The following SELENOF variants were observed in gnomAD, a reference collection of about 807,000 sequenced individuals.
The protein encoded by SELENOF is selenoprotein F.
Under a neutral mutation model 20.5 loss-of-function variants are expected in SELENOF, and 16 were observed. The observed-to-expected ratio is 0.78, with a 90% CI of 0.53 to 1.19. The LOEUF is 1.19. Ranked by LOEUF, SELENOF falls within the 50% of genes most tolerant of loss-of-function variation. SELENOF has a pLI of 0.00. For missense variants in SELENOF, 215 were observed against 194.2 expected, an observed-to-expected ratio of 1.11 and a Z score of -0.64; for synonymous variants, 78 against 74.5, an observed-to-expected ratio of 1.05 and a Z score of -0.24.
intron 2 of SELENOF, among the ~76,000 whole-genome samples, chr1:86,890,692 G>A (rs562237374): frequency 1.3e-4 from 20 of 151,212 alleles, no homozygotes; most frequent in Admixed American, 1.2e-3. Context: ...AGAGATGGAG[G>A]TCTTGGTCTT....
chr1:86,880,599 A>C, intron 3 of SELENOF, 63 bp downstream of exon 3: 1 of 888,100 alleles, frequency 1.1e-6, no homozygotes, highest in Non-Finnish European at 1.7e-6. Context: ...TATAGTGAAA[A>C]CGATTCACAT....
In SELENOF at chr1:86,863,271, C is replaced by T; in HGVS notation, c.*203G>A. 1 of 424,306 alleles carries T rather than the reference C, an allele frequency of 2.4e-6. No individual in the cohort carries two copies. Among genetic ancestry groups the T allele is most frequent in the Non-Finnish European group, 4.1e-6 (1 of 241,186 alleles). 26.3% of individuals were successfully genotyped at this position (424,306 alleles called of 1,614,324 possible). ...GTATCAACAAATGCAGGAGGATGGA[C>T]ATTTATAAAAAATGGGTTTTGTTAA... On this transcript the variant is annotated 3_prime_UTR_variant, in exon 5 of 5. Coordinates refer to ENST00000331835, the MANE Select transcript of SELENOF (RefSeq NM_004261.5).
rs1262813591 is a variant in SELENOF, at chr1:86,900,111, G to A, written c.252+3170C>T. 2.0e-5 allele frequency among the ~76,000 whole-genome samples: 3 copies of A among 151,582 alleles called. No individual in the cohort carries two copies. In the East Asian group the frequency reaches 5.9e-4, roughly 30 times the overall value. ...CGCTCCTCACTTTCCAGACTGGGCA[G>A]CCAGGCAGAGGGGCTCCTCACATCC... On this transcript the variant is annotated intron_variant, in intron 2 of 4. Transcript: ENST00000331835.
rs72947838 is a variant in SELENOF at position 86,913,119 on chromosome 1, C to G, written c.84+909G>C. Among the ~76,000 whole-genome samples the G allele has an allele frequency of 9.7e-3, 1,482 of 152,242 alleles. 24 individuals carry two copies. Among genetic ancestry groups the G allele is most frequent in the African/African-American group, 0.033 (1,386 of 41,530 alleles). Reference sequence around the variant, plus strand: ...CAAACAGCCAGGATGCTTTCAAGCTCTTTGAGAAAGGTAAGTACAGGTGTT... The same window carrying G: ...CAAACAGCCAGGATGCTTTCAAGCTGTTTGAGAAAGGTAAGTACAGGTGTT... On this transcript the variant is annotated intron_variant, in intron 1 of 4. Coordinates refer to ENST00000331835, the MANE Select transcript of SELENOF (RefSeq NM_004261.5).
In SELENOF at chr1:86,862,739, T is replaced by A. The variant is rs1329654719; in HGVS notation, c.*735A>T. 2.6e-5 allele frequency: 4 copies of A among 152,218 alleles called. No individual in the cohort carries two copies. Among genetic ancestry groups the A allele is most frequent in the African/African-American group, 9.6e-5 (4 of 41,462 alleles). The allele number at this position is 152,218 out of a possible 1,614,324, so 9.4% of individuals were successfully genotyped here. ...ATTCAGATAGATTTTTGAAACTTTTTATTTATATTTTGGTCTTACAAATGA... is the reference window on the plus strand; with the variant it reads ...ATTCAGATAGATTTTTGAAACTTTTAATTTATATTTTGGTCTTACAAATGA... On this transcript the variant is annotated 3_prime_UTR_variant, in exon 5 of 5. Coordinates refer to ENST00000331835, the MANE Select transcript of SELENOF (RefSeq NM_004261.5).
chr1:86,869,233 C>T lies in SELENOF; in HGVS notation c.317-1131G>A, dbSNP rs190996001. 8.5e-5 allele frequency among the ~76,000 whole-genome samples: 13 copies of T among 152,232 alleles called. No individual in the cohort carries two copies. In the East Asian group the frequency reaches 1.7e-3, roughly 20 times the overall value. ...CGTACTTTGTAAACCTGCAAGTACA[C>T]TTCTAGGACTTTATTCTGAGGAAAT... is the stretch of plus-strand genomic sequence containing the variant. On this transcript the variant is annotated intron_variant, in intron 3 of 4. Coordinates refer to ENST00000331835, the MANE Select transcript of SELENOF (RefSeq NM_004261.5).
chr1:86,898,580 CTTTTTTTT>C (rs747362493), intron 2 of SELENOF, among the ~76,000 whole-genome samples: 19 of 124,968 alleles, frequency 1.5e-4, no homozygotes, highest in African/African-American at 6.1e-4. Flanking sequence ...TTCTCTTCTT[CTTTTTTTT>C]TTTTTTTTTT....
intron 2 of SELENOF, among the ~76,000 whole-genome samples, chr1:86,902,277 G>A (rs1659722520): frequency 6.6e-6 from 1 of 152,156 alleles, no homozygotes; most frequent in Non-Finnish European, 1.5e-5. Context: ...TGAAAAACAT[G>A]TAAGGCTTTG....
intron 2 of SELENOF, among the ~76,000 whole-genome samples, chr1:86,888,304 T>C (rs988021865): frequency 6.6e-6 from 1 of 151,174 alleles, no homozygotes; most frequent in Non-Finnish European, 1.5e-5. Context: ...ACTCAAAGCT[T>C]GAATACCATA....
At chr1:86,885,238 C>G (rs527289) in intron 2 of SELENOF, among the ~76,000 whole-genome samples, 148,619 of 152,284 alleles carry the variant, frequency 0.98, 72,539 homozygotes, top group East Asian at 1. Context: ...TTCCAGATAA[C>G]AGCTACTCAA....
chr1:86,891,627 A>G (rs1659385575), intron 2 of SELENOF, among the ~76,000 whole-genome samples: 1 of 152,226 alleles, frequency 6.6e-6, no homozygotes, highest in Admixed American at 6.5e-5. Flanking sequence ...TTTATATTTC[A>G]TATTAAAAGC....
Position 86,863,332 on chromosome 1 carries a change from C to T in SELENOF, c.*142G>A. The T allele has an allele frequency of 1.5e-6, 1 of 685,146 alleles. No homozygotes were observed. Among genetic ancestry groups the T allele is most frequent in the South Asian group, 2.2e-5 (1 of 44,506 alleles). 42.4% of individuals were successfully genotyped at this position (685,146 alleles called of 1,614,324 possible). A position where few individuals can be genotyped will look rare whatever the true frequency, so the allele number is the denominator to read the frequency against. Reference sequence around the variant, plus strand: ...TCCTTAGATATCATGGACTATACTGCCATTTCACGATTTAATTAGATATTT... The same window carrying T: ...TCCTTAGATATCATGGACTATACTGTCATTTCACGATTTAATTAGATATTT... On this transcript the variant is annotated 3_prime_UTR_variant, in exon 5 of 5. Coordinates refer to ENST00000331835, the MANE Select transcript of SELENOF (RefSeq NM_004261.5).
At chr1:86,865,992 C>CT (rs1170461034) in intron 4 of SELENOF, among the ~76,000 whole-genome samples, 1 of 151,766 alleles carries the variant, frequency 6.6e-6, no homozygotes, top group Non-Finnish European at 1.5e-5. Flanking sequence ...CCCAGGAATA[C>CT]AAGACCAGCT....
chr1:86,893,574 C>A (rs1016250362), intron 2 of SELENOF, among the ~76,000 whole-genome samples: 2 of 151,812 alleles, frequency 1.3e-5, no homozygotes, highest in Non-Finnish European at 2.9e-5. Flanking sequence ...GCCAAGATTG[C>A]ACCACTGTAC....
At chr1:86,897,847 C>T (rs1222940011) in intron 2 of SELENOF, among the ~76,000 whole-genome samples, 1 of 152,222 alleles carries the variant, frequency 6.6e-6, no homozygotes, top group African/African-American at 2.4e-5. Context: ...CTGCTCCTTC[C>T]TCCCAGGTTG....
intron 2 of SELENOF, among the ~76,000 whole-genome samples, chr1:86,885,770 C>T (rs750840138): frequency 5.3e-5 from 8 of 152,164 alleles, no homozygotes; most frequent in Non-Finnish European, 8.8e-5. Context: ...TGGTCCAGTT[C>T]TGGCTCTGCC....
chr1:86,896,142 C>T (rs943890458), intron 2 of SELENOF, among the ~76,000 whole-genome samples: 1 of 151,694 alleles, frequency 6.6e-6, no homozygotes, highest in African/African-American at 2.4e-5. Flanking sequence ...GCAGGAGAAT[C>T]GCTTGAACCT....
chr1:86,900,567 G>A (rs865934518), intron 2 of SELENOF, among the ~76,000 whole-genome samples: 10 of 152,072 alleles, frequency 6.6e-5, no homozygotes, highest in African/African-American at 2.4e-4. Flanking sequence ...CGGCATCAGA[G>A]GGAGACCGTG....
intron 4 of SELENOF, among the ~76,000 whole-genome samples, chr1:86,865,672 G>C (rs996085445): frequency 6.6e-6 from 1 of 152,164 alleles, no homozygotes; most frequent in Non-Finnish European, 1.5e-5. Context: ...CCTGTTGGTG[G>C]GACTGTAAAA....
Sources: gnomAD v4.1 joint callset for allele counts (sites outside exome capture counted in the v4.1 genomes callset) on GRCh38, gnomAD v4.1.1 for gene constraint, MANE v1.5 for transcripts, NCBI Gene and HGNC (gene_info 2026-07-23, HGNC 2026-07-21) for gene names.